SP100: variants seen among roughly 807,000 people sequenced by gnomAD.
The protein encoded by SP100 is SP100 nuclear body protein.
A neutral mutation model predicts 130.0 loss-of-function variants in SP100; 84 were observed. The ratio of observed to expected loss-of-function variants is 0.65; its 90% CI spans 0.54 to 0.77. The LOEUF is 0.77. Among genes scored for constraint, SP100 ranks in the 30% least tolerant of loss-of-function variants. The pLI, the probability that SP100 is intolerant of heterozygous loss-of-function variation, is 0.00. For synonymous variants in SP100, 331 were observed against 351.7 expected (o/e 0.94, Z 0.66); for missense variants, 978 against 1,052.2 (o/e 0.93, Z 0.97).
At chr2:230,416,382 TC>T in intron 1 of SP100, 54 bp downstream of exon 1, 1 of 1,505,140 alleles carries the variant, frequency 6.6e-7, no homozygotes, top group Admixed American at 1.7e-5. Flanking sequence ...ATTGCAGCTT[TC>T]ATGCCTTTAG....
chr2:230,525,943 T>C (rs1005882619), intron 24 of SP100, among the ~76,000 whole-genome samples: 2 of 152,216 alleles, frequency 1.3e-5, no homozygotes, highest in Non-Finnish European at 2.9e-5. Context: ...CAGCAAGGCC[T>C]ACTGCCTCTA....
intron 24 of SP100, among the ~76,000 whole-genome samples, chr2:230,527,637 G>C (rs1244189383): frequency 6.6e-6 from 1 of 152,146 alleles, no homozygotes; most frequent in Non-Finnish European, 1.5e-5. Flanking sequence ...TGGCAAATTG[G>C]ATAGAGTCAA....
At chr2:230,461,612 A>C (rs545285622) in intron 9 of SP100, among the ~76,000 whole-genome samples, 198 bp downstream of exon 9, 7 of 152,196 alleles carry the variant, frequency 4.6e-5, no homozygotes, top group Admixed American at 4.6e-4. Context: ...ACCAGAAGAC[A>C]GAAATGGAGG....
At chr2:230,427,666 T>C (rs1299248787) in intron 2 of SP100, among the ~76,000 whole-genome samples, 1 of 152,210 alleles carries the variant, frequency 6.6e-6, no homozygotes, top group Non-Finnish European at 1.5e-5. Context: ...CTTTGTGATT[T>C]GATCACTTTT....
chr2:230,506,449 T>G lies in SP100; in HGVS notation c.2013+4T>G. The stretch of plus-strand genomic sequence containing the variant: ...TACCCTGAAAGTCCTGATGGAGGTA[T>G]TCTAGTGACAGATGGCTGAAACCAA... On this transcript the variant is annotated splice_donor_region_variant and intron_variant, in intron 22 of 28. Coordinates refer to ENST00000340126, the MANE Select transcript of SP100 (RefSeq NM_001080391.2). 1.2e-6 allele frequency: 2 copies of G among 1,613,242 alleles called. No individual in the cohort carries two copies. The highest frequency in any genetic ancestry group is 1.7e-6 in the Non-Finnish European group (2 of 1,179,344).
At chr2:230,430,712 G>A (rs2063073595) in intron 2 of SP100, among the ~76,000 whole-genome samples, 1 of 152,234 alleles carries the variant, frequency 6.6e-6, no homozygotes, top group South Asian at 2.1e-4. Context: ...CTCCCTGCCT[G>A]GGCATGGCCA....
chr2:230,539,231 C>A, intron 24 of SP100, 36 bp from the exon 25 acceptor site: 1 of 1,359,448 alleles, frequency 7.4e-7, no homozygotes, highest in Non-Finnish European at 1.1e-6. Flanking sequence ...CCAAGGGTCT[C>A]ACTGATCCCG....
chr2:230,430,932 A>G (rs910433908), intron 2 of SP100, among the ~76,000 whole-genome samples: 5 of 152,228 alleles, frequency 3.3e-5, no homozygotes, highest in Admixed American at 6.5e-5. Flanking sequence ...GCAAAGACAT[A>G]TGCTAGGATC....
intron 2 of SP100, among the ~76,000 whole-genome samples, chr2:230,425,338 C>G (rs989582324): frequency 3.3e-5 from 5 of 149,530 alleles, no homozygotes; most frequent in African/African-American, 1.2e-4. Flanking sequence ...GCTATTTGAC[C>G]CTCTGTTTCT....
intron 8 of SP100, among the ~76,000 whole-genome samples, chr2:230,457,547 G>A (rs1471161999): frequency 6.6e-6 from 1 of 152,172 alleles, no homozygotes; most frequent in Admixed American, 6.5e-5. Context: ...TGGTTTGGGT[G>A]TAAGGCAAAG....
intron 14 of SP100, 75 bp from the exon 15 acceptor site, chr2:230,469,940 T>G: frequency 6.5e-7 from 1 of 1,535,904 alleles, no homozygotes; most frequent in Non-Finnish European, 8.8e-7. Context: ...TTGTTCAGTT[T>G]TGCTTTTAAA....
In SP100 at chr2:230,448,590, A is replaced by T. The variant is rs144456414; in HGVS notation, c.524-498A>T. ...AACAAAAATGAGGAAATATTTGCAG[A>T]CAAAAAGATCCAGAAAAAAAGAATA... is the stretch of plus-strand genomic sequence containing the variant. On this transcript the variant is annotated intron_variant, in intron 5 of 28. Transcript: ENST00000340126. Among the ~76,000 whole-genome samples the T allele has an allele frequency of 4.3e-4, 66 of 152,348 alleles. 1 individual carries two copies. In the East Asian group the frequency reaches 0.012, roughly 27 times the overall value.
At chr2:230,517,187 A>C (rs1690961059) in intron 24 of SP100, among the ~76,000 whole-genome samples, 1 of 152,242 alleles carries the variant, frequency 6.6e-6, no homozygotes, top group East Asian at 1.9e-4. Flanking sequence ...TCAGAGGTCC[A>C]ACTGGAAAAT....
chr2:230,467,256 GCACCTCTT>G, intron 13 of SP100, 41 bp downstream of exon 13: 5 of 1,406,216 alleles, frequency 3.6e-6, no homozygotes, highest in African/African-American at 1.4e-5. Flanking sequence ...TGACTTCAGA[GCACCTCTT>G]CCCTGATGCA....
At chr2:230,440,488 G>A in intron 2 of SP100, 6 of 1,240,658 alleles carry the variant, frequency 4.8e-6, no homozygotes, top group East Asian at 3.2e-5. Context: ...TTTTGGAGAG[G>A]AATAAATTTA....
At chr2:230,510,897 T>C (rs762875149) in intron 23 of SP100, 105 of 575,618 alleles carry the variant, frequency 1.8e-4, no homozygotes, top group Non-Finnish European at 2.9e-4. Flanking sequence ...AAGGCCTGCC[T>C]TGGGTGTGAG....
At chr2:230,526,606 C>T (rs957780478) in intron 24 of SP100, among the ~76,000 whole-genome samples, 1 of 152,160 alleles carries the variant, frequency 6.6e-6, no homozygotes, top group Non-Finnish European at 1.5e-5. Flanking sequence ...TCAGTAATAG[C>T]AAACTTCTCC....
chr2:230,461,221 A>C, intron 8 of SP100, 41 bp from the exon 9 acceptor site: 1 of 1,600,772 alleles, frequency 6.2e-7, no homozygotes. Context: ...AAGGAGGTTC[A>C]CTGGGGACAC....
chr2:230,528,853 A>C (rs918060710), intron 24 of SP100, among the ~76,000 whole-genome samples: 3 of 152,232 alleles, frequency 2.0e-5, no homozygotes, highest in Non-Finnish European at 4.4e-5. Flanking sequence ...TTCTGGACAC[A>C]TACACCCTCC....
Sources: gnomAD v4.1 joint callset for allele counts (sites outside exome capture counted in the v4.1 genomes callset) on GRCh38, gnomAD v4.1.1 for gene constraint, MANE v1.5 for transcripts, NCBI Gene and HGNC (gene_info 2026-07-23, HGNC 2026-07-21) for gene names.